Variants in SNTG2 observed in about 807,000 individuals in gnomAD.
SNTG2 encodes the protein gamma-2-syntrophin.
A neutral mutation model predicts 70.9 loss-of-function variants in SNTG2; 74 were observed. The ratio of observed to expected loss-of-function variants is 1.04; its 90% CI spans 0.86 to 1.27. SNTG2 has a LOEUF of 1.27. Ranked by LOEUF, SNTG2 falls within the 50% of genes most tolerant of loss-of-function variation. The pLI is 0.00. For synonymous variants in SNTG2, 278 were observed against 273.8 expected, an observed-to-expected ratio of 1.02 and a Z score of -0.15; for missense variants, 717 against 690.7, an observed-to-expected ratio of 1.04 and a Z score of -0.43.
chr2:1,215,097 G>A (rs1674293399), intron 9 of SNTG2, among the ~76,000 whole-genome samples: 1 of 152,150 alleles, frequency 6.6e-6, no homozygotes, highest in Non-Finnish European at 1.5e-5. Context: ...CTTGATCATG[G>A]TGACTGATCT....
intron 2 of SNTG2, among the ~76,000 whole-genome samples, chr2:1,087,500 C>CT (rs1175017888): frequency 6.6e-6 from 1 of 152,176 alleles, no homozygotes; most frequent in Non-Finnish European, 1.5e-5. Flanking sequence ...GTGATATTGA[C>CT]TTTGCCACTC....
At chr2:1,300,485 C>T (rs73177778) in intron 14 of SNTG2, among the ~76,000 whole-genome samples, 2,887 of 152,248 alleles carry the variant, frequency 0.019, 96 homozygotes, top group African/African-American at 0.066. Context: ...ACACAAGCTG[C>T]GGCCCCAGGG....
chr2:1,104,588 G>A (rs1665993251), intron 4 of SNTG2, among the ~76,000 whole-genome samples: 1 of 152,200 alleles, frequency 6.6e-6, no homozygotes, highest in Admixed American at 6.5e-5. Flanking sequence ...AAACACAAAT[G>A]GAGAAAGGAA....
intron 1 of SNTG2, among the ~76,000 whole-genome samples, chr2:1,051,161 C>CCTTTCTTCCTCCCTCCCCCA (rs1338645438): frequency 1.3e-5 from 2 of 148,584 alleles, no homozygotes; most frequent in African/African-American, 4.9e-5. Flanking sequence ...TCCCTCTCCC[C>CCTTTCTTCCTCCCTCCCCCA]CTTTCTTCCT....
chr2:1,207,730 AC>A (rs1673732042), intron 8 of SNTG2, among the ~76,000 whole-genome samples: 1 of 152,000 alleles, frequency 6.6e-6, no homozygotes, highest in Non-Finnish European at 1.5e-5. Context: ...CTCATGAGAA[AC>A]CCTGGGGAAC....
chr2:1,246,526 G>A (rs997973702), intron 11 of SNTG2, among the ~76,000 whole-genome samples: 4 of 152,202 alleles, frequency 2.6e-5, no homozygotes, highest in Admixed American at 6.5e-5. Flanking sequence ...ATAGCTCATC[G>A]GTCAGTGTCA....
At chr2:1,324,081 T>C (rs1261615889) in intron 16 of SNTG2, among the ~76,000 whole-genome samples, 1 of 150,762 alleles carries the variant, frequency 6.6e-6, no homozygotes, top group Admixed American at 6.6e-5. Context: ...GGGACATGGG[T>C]AACAGTCACA....
chr2:1,031,528 A>ATATATATT, intron 1 of SNTG2, among the ~76,000 whole-genome samples: 1 of 59,140 alleles, frequency 1.7e-5, no homozygotes, highest in African/African-American at 8.3e-5. Context: ...ATATATATAT[A>ATATATATT]TTTTTTTTTT....
intron 9 of SNTG2, among the ~76,000 whole-genome samples, chr2:1,221,377 C>T (rs961832514): frequency 6.6e-6 from 1 of 151,870 alleles, no homozygotes; most frequent in Non-Finnish European, 1.5e-5. Flanking sequence ...CTCTGTGTCT[C>T]TCTGCCCCTC....
At chr2:1,363,409 A>G (rs1041955707) in intron 16 of SNTG2, among the ~76,000 whole-genome samples, 6 of 152,166 alleles carry the variant, frequency 3.9e-5, no homozygotes, top group African/African-American at 1.2e-4. Context: ...CCCAGCTTGC[A>G]ATTGCCTACA....
chr2:982,017 CACAG>C (rs1329223302), intron 1 of SNTG2, among the ~76,000 whole-genome samples: 10 of 152,174 alleles, frequency 6.6e-5, no homozygotes, highest in Non-Finnish European at 1.3e-4. Flanking sequence ...CACAGATGCA[CACAG>C]ACACACACTC....
chr2:955,533 A>G (rs556511272), intron 1 of SNTG2, among the ~76,000 whole-genome samples: 31 of 152,338 alleles, frequency 2.0e-4, no homozygotes, highest in Admixed American at 1.4e-3. Context: ...CCAGGAAATC[A>G]CTGTAATTAC....
chr2:980,673 G>A (rs541158334), intron 1 of SNTG2, among the ~76,000 whole-genome samples: 2 of 148,930 alleles, frequency 1.3e-5, no homozygotes, highest in South Asian at 2.1e-4. Flanking sequence ...AAGGGGATAG[G>A]CCTAGTGTTT....
At chr2:1,292,769 G>A (rs1267417204) in intron 14 of SNTG2, among the ~76,000 whole-genome samples, 1 of 152,042 alleles carries the variant, frequency 6.6e-6, no homozygotes, top group African/African-American at 2.4e-5. Flanking sequence ...TGAGATTTTT[G>A]CATCAATCTT....
chr2:1,227,520 A>G (rs887572189), intron 9 of SNTG2, among the ~76,000 whole-genome samples: 12 of 152,212 alleles, frequency 7.9e-5, no homozygotes, highest in African/African-American at 2.9e-4. Flanking sequence ...CACGGCAGAC[A>G]GCCTTTGAGC....
At chr2:1,220,410 G>A (rs1451855096) in intron 9 of SNTG2, among the ~76,000 whole-genome samples, 3 of 152,194 alleles carry the variant, frequency 2.0e-5, no homozygotes, top group East Asian at 1.9e-4. Flanking sequence ...CCAGCAGCCC[G>A]CCAGGGACCT....
At chr2:1,235,687 G>A (rs1490593046) in intron 9 of SNTG2, among the ~76,000 whole-genome samples, 1 of 152,178 alleles carries the variant, frequency 6.6e-6, no homozygotes, top group Non-Finnish European at 1.5e-5. Flanking sequence ...ATCCCTGCAG[G>A]CCCCCTAGTC....
intron 1 of SNTG2, among the ~76,000 whole-genome samples, chr2:1,023,306 A>G (rs1660300499): frequency 1.3e-5 from 2 of 152,124 alleles, no homozygotes; most frequent in African/African-American, 4.8e-5. Flanking sequence ...TGGCAGCAGT[A>G]GAAGGATGTG....
rs552056674 is a variant in SNTG2, at chr2:1,000,307, C to CA, written c.72+49246dup. On this transcript the variant is annotated intron_variant, in intron 1 of 16. Transcript: ENST00000308624. ...AAGCAAAACCAAATAAAATTGAGAC[C>CA]AAAAAAATCATACAAAGCATCATCA... Among the ~76,000 whole-genome samples the CA allele has an allele frequency of 1.4e-4, 21 of 151,280 alleles. No individual in the cohort carries two copies. The South Asian group carries it at 1.9e-3, about 14-fold the overall frequency.
Sources: gnomAD v4.1 joint callset for allele counts (sites outside exome capture counted in the v4.1 genomes callset) on GRCh38, gnomAD v4.1.1 for gene constraint, MANE v1.5 for transcripts, NCBI Gene and HGNC (gene_info 2026-07-23, HGNC 2026-07-21) for gene names.